TRPM7: variants seen among roughly 807,000 people sequenced by gnomAD.
TRPM7 encodes transient receptor potential cation channel subfamily M member 7.
Under a neutral mutation model 229.7 loss-of-function variants are expected in TRPM7, and 134 were observed. That is an observed-to-expected ratio of 0.58 (90% CI 0.51 to 0.67). The LOEUF is 0.67. Ranked by LOEUF, TRPM7 falls within the 30% of genes least tolerant of loss-of-function variation. The pLI, the probability that TRPM7 is intolerant of heterozygous loss-of-function variation, is 0.00. For synonymous variants in TRPM7, 699 were observed against 715.2 expected, an observed-to-expected ratio of 0.98 and a Z score of 0.36; for missense variants, 1,901 against 2,210.0, an observed-to-expected ratio of 0.86 and a Z score of 2.80.
chr15:50,686,684 C>T lies in TRPM7; in HGVS notation c.-151G>A, dbSNP rs935196968. ...GGAAACCTTCTCAGAACTAACTCAGCTCCGGCGCTAGCAGCAGAAGCCGAG... is the reference window on the plus strand; with the variant it reads ...GGAAACCTTCTCAGAACTAACTCAGTTCCGGCGCTAGCAGCAGAAGCCGAG... On this transcript the variant is annotated 5_prime_UTR_variant, in exon 1 of 39. Transcript: ENST00000646667. 6 of 1,012,128 alleles carry T rather than the reference C, an allele frequency of 5.9e-6. No individual in the cohort carries two copies. Among genetic ancestry groups the T allele is most frequent in the Non-Finnish European group, 7.1e-6 (5 of 708,938 alleles). 62.7% of individuals were successfully genotyped at this position (1,012,128 alleles called of 1,614,324 possible).
At chr15:50,637,966 C>T (rs1336914344) in intron 6 of TRPM7, among the ~76,000 whole-genome samples, 2 of 152,156 alleles carry the variant, frequency 1.3e-5, no homozygotes, top group Non-Finnish European at 2.9e-5. Flanking sequence ...CATGTGATCC[C>T]GTCACTTTGG....
At chr15:50,593,024 C>T (rs1005684774) in intron 25 of TRPM7, among the ~76,000 whole-genome samples, 1 of 152,160 alleles carries the variant, frequency 6.6e-6, no homozygotes, top group Non-Finnish European at 1.5e-5. Context: ...GGCACAGTGG[C>T]TCACGTCTGT....
chr15:50,561,853 A>C, intron 38 of TRPM7, 45 bp from the exon 39 acceptor site: 1 of 1,475,168 alleles, frequency 6.8e-7, no homozygotes, highest in Non-Finnish European at 9.1e-7. Context: ...AAGAAAGAGA[A>C]AAGAAAAAAG....
intron 1 of TRPM7, among the ~76,000 whole-genome samples, chr15:50,667,046 A>G (rs575207999): frequency 3.3e-5 from 5 of 152,076 alleles, no homozygotes; most frequent in Non-Finnish European, 5.9e-5. Context: ...CCTTTCTGGT[A>G]ACATCTTTCT....
chr15:50,613,643 A>C (rs775386336), intron 15 of TRPM7, 64 bp downstream of exon 15: 29 of 1,382,954 alleles, frequency 2.1e-5, no homozygotes, highest in Admixed American at 3.1e-5. Context: ...TTGTTTAATA[A>C]TACTAAGTAA....
At chr15:50,600,908 G>A (rs1367086565) in intron 21 of TRPM7, among the ~76,000 whole-genome samples, 2 of 152,158 alleles carry the variant, frequency 1.3e-5, no homozygotes, top group Non-Finnish European at 2.9e-5. Context: ...ACTTGCAGAG[G>A]CCTAACACGC....
At chr15:50,606,292 T>C (rs571283809) in intron 20 of TRPM7, among the ~76,000 whole-genome samples, 12 of 152,038 alleles carry the variant, frequency 7.9e-5, no homozygotes, top group African/African-American at 2.7e-4. Context: ...GGCAGGAGAA[T>C]CGCTTGAACC....
At position 50,592,163 on chromosome 15, in the gene TRPM7, T is replaced by C. The variant is rs765360366; in HGVS notation, c.4072A>G (p.Ser1358Gly). 1.2e-6 allele frequency: 2 copies of C among 1,613,954 alleles called. No homozygotes were observed. The highest frequency in any genetic ancestry group is 2.2e-5 in the East Asian group (1 of 44,898). The change falls in exon 26 of 39, where the codon AGT becomes GGT. Residue 1358 changes from serine (S) to glycine (G), a missense_variant. Coordinates refer to ENST00000646667, the MANE Select transcript of TRPM7 (RefSeq NM_017672.6). ...AGSSSGALFP[S>G]AVSPPELRQR... is the part of the protein sequence containing the mutation. Reference sequence around the variant, plus strand: ...CGCAGTTCTGGAGGGGAAACAGCACTTGGGAATAAGGCACCAGAAGAGGAA... The same window carrying C: ...CGCAGTTCTGGAGGGGAAACAGCACCTGGGAATAAGGCACCAGAAGAGGAA...
chr15:50,575,637 T>C, intron 33 of TRPM7, 87 bp downstream of exon 33: 1 of 1,144,614 alleles, frequency 8.7e-7, no homozygotes, highest in Non-Finnish European at 1.3e-6. Context: ...TACTTCTTAA[T>C]GTAATCCCAC....
chr15:50,597,304 G>A (rs73395538), intron 22 of TRPM7, among the ~76,000 whole-genome samples: 3,099 of 152,230 alleles, frequency 0.02, 121 homozygotes, highest in African/African-American at 0.072. Flanking sequence ...GCAGGGCGAG[G>A]ATTAGAATTA....
chr15:50,632,384 T>C (rs1048707513), intron 9 of TRPM7, among the ~76,000 whole-genome samples: 3 of 152,142 alleles, frequency 2.0e-5, no homozygotes, highest in South Asian at 2.1e-4. Context: ...TTACAAAAAC[T>C]TGCAATGAAA....
chr15:50,653,472 C>T (rs906988503), intron 3 of TRPM7, among the ~76,000 whole-genome samples: 1 of 151,870 alleles, frequency 6.6e-6, no homozygotes, highest in African/African-American at 2.4e-5. Flanking sequence ...GGTGTGGTCT[C>T]GGAGATTCCT....
intron 28 of TRPM7, among the ~76,000 whole-genome samples, chr15:50,586,122 C>T (rs1313807338): frequency 1.3e-5 from 2 of 152,174 alleles, no homozygotes; most frequent in Admixed American, 6.5e-5. Context: ...TGAACAGATA[C>T]ATTTGCAAAA....
chr15:50,627,135 G>A (rs1327273178), intron 11 of TRPM7, among the ~76,000 whole-genome samples: 1 of 152,248 alleles, frequency 6.6e-6, no homozygotes, highest in South Asian at 2.1e-4. Context: ...AAAACTTTAA[G>A]TGATTACTAC....
rs1209967600 is a variant in TRPM7, at chr15:50,617,140, AAAT to A, written c.1494+2602_1494+2604del. ...CCCCATCTCTACCAAAAAAATAAAT[AAAT>A]AAATAAATAAATAAATAAATAAATA... On this transcript the variant is annotated intron_variant, in intron 13 of 38. Transcript: ENST00000646667. Among the ~76,000 whole-genome samples the A allele has an allele frequency of 1.3e-4, 11 of 86,278 alleles. No individual in the cohort carries two copies. The South Asian group carries it at 1.6e-3, about 13-fold the overall frequency. The allele number at this position is 86,278 out of a possible 152,430, so 56.6% of individuals were successfully genotyped here.
Position 50,578,656 on chromosome 15 carries a change from T to A in TRPM7, c.4601A>T (p.Glu1534Val). Residue 1534 changes from glutamate to valine, a missense_variant, in exon 31 of 39, where the codon GAA (glutamate) becomes GTA (valine). Glu to Val is a moderately radical substitution (Grantham distance 121). Coordinates refer to ENST00000646667, the MANE Select transcript of TRPM7 (RefSeq NM_017672.6). ...DRPSNREMPS[E>V]EGTLNGLTSP... ...AGACTCACCATTTAATGTTCCTTCT[T>A]CAGATGGCCTAAAGAAACACCAAAA... 6.2e-7 allele frequency: 1 copy of A among 1,609,104 alleles called. No individual in the cohort carries two copies. Among genetic ancestry groups the A allele is most frequent in the Non-Finnish European group, 8.5e-7 (1 of 1,177,104 alleles).
chr15:50,596,546 T>C (rs1223387720), intron 22 of TRPM7, among the ~76,000 whole-genome samples, 165 bp from the exon 23 acceptor site: 3 of 152,312 alleles, frequency 2.0e-5, no homozygotes, highest in Middle Eastern at 3.4e-3. Flanking sequence ...CAAGGAGACA[T>C]AGGAACCCCA....
At chr15:50,629,859 CTTTTTT>C (rs33991422) in intron 10 of TRPM7, among the ~76,000 whole-genome samples, 1 of 106,518 alleles carries the variant, frequency 9.4e-6, no homozygotes, top group Non-Finnish European at 1.8e-5. Context: ...TCTTTTTAAC[CTTTTTT>C]TTTTTTTTTT....
intron 29 of TRPM7, 192 bp downstream of exon 29, chr15:50,582,897 T>G: frequency 2.8e-6 from 1 of 359,116 alleles, no homozygotes; most frequent in Non-Finnish European, 5.1e-6. Flanking sequence ...TCTGCATAAA[T>G]TTTTCTTTAA....
Sources: gnomAD v4.1 joint callset for allele counts (sites outside exome capture counted in the v4.1 genomes callset) on GRCh38, gnomAD v4.1.1 for gene constraint, MANE v1.5 for transcripts, NCBI Gene and HGNC (gene_info 2026-07-23, HGNC 2026-07-21) for gene names.